The following PBX1 variants were observed in gnomAD, a reference collection of about 807,000 sequenced individuals.
PBX1 encodes the protein PBX homeobox 1.
In PBX1, 6 loss-of-function variants were observed where a neutral mutation model predicts 53.4. The ratio of observed to expected loss-of-function variants is 0.11; its 90% CI spans 0.06 to 0.22. PBX1 has a LOEUF of 0.22. PBX1 is among the 10% of genes least tolerant of loss of function. The pLI, the probability that PBX1 is intolerant of heterozygous loss-of-function variation, is 1.00. For missense variants in PBX1, 251 were observed against 551.4 expected (o/e 0.46, Z 5.46); for synonymous variants, 204 against 212.3 (o/e 0.96, Z 0.34).
At chr1:164,629,915 T>C (rs1403757875) in intron 2 of PBX1, among the ~76,000 whole-genome samples, 3 of 152,208 alleles carry the variant, frequency 2.0e-5, no homozygotes, top group Admixed American at 1.3e-4. Flanking sequence ...TGACTACATA[T>C]ATTTATATAT....
chr1:164,783,440 C>G (rs556170116), intron 2 of PBX1, among the ~76,000 whole-genome samples: 2 of 152,182 alleles, frequency 1.3e-5, no homozygotes, highest in African/African-American at 4.8e-5. Context: ...ATATTCTTGG[C>G]TTATCCTGGT....
chr1:164,679,014 A>G (rs1661596043), intron 2 of PBX1, among the ~76,000 whole-genome samples: 2 of 152,206 alleles, frequency 1.3e-5, no homozygotes, highest in African/African-American at 2.4e-5. Flanking sequence ...CACTAAATTC[A>G]TATTCTACAT....
At chr1:164,663,171 T>C (rs934566387) in intron 2 of PBX1, among the ~76,000 whole-genome samples, 1 of 151,992 alleles carries the variant, frequency 6.6e-6, no homozygotes, top group African/African-American at 2.4e-5. Flanking sequence ...CCTGCCTTCC[T>C]TCCTGCCTTC....
chr1:164,817,059 A>C (rs1030980408), intron 6 of PBX1: 1 of 151,038 alleles, frequency 6.6e-6, no homozygotes, highest in African/African-American at 2.4e-5. Flanking sequence ...ACATGCCCCA[A>C]ATGTCTGGGT....
intron 2 of PBX1, among the ~76,000 whole-genome samples, chr1:164,648,719 C>T (rs546583586): frequency 1.3e-5 from 2 of 152,226 alleles, no homozygotes; most frequent in Admixed American, 6.5e-5. Flanking sequence ...TTGCCCTTGG[C>T]GGGAGGGCGT....
rs1184401946 is a variant in PBX1 at position 164,848,004 on chromosome 1, T to G, written c.*1328T>G. 1.9e-6 allele frequency: 2 copies of G among 1,050,398 alleles called. No individual in the cohort carries two copies. Among genetic ancestry groups the G allele is most frequent in the Middle Eastern group, 4.3e-4 (1 of 2,346 alleles). 65.1% of individuals were successfully genotyped at this position (1,050,398 alleles called of 1,614,324 possible). On this transcript the variant is annotated 3_prime_UTR_variant, in exon 9 of 9. Transcript: ENST00000420696. Reference sequence around the variant, plus strand: ...TTTATATTAGGCACACTGTATTAATTTTCCAAAATGTTATACCACACTATG... The same window carrying G: ...TTTATATTAGGCACACTGTATTAATGTTCCAAAATGTTATACCACACTATG...
chr1:164,627,985 C>G (rs1658155651), intron 2 of PBX1, among the ~76,000 whole-genome samples: 1 of 152,184 alleles, frequency 6.6e-6, no homozygotes, highest in Non-Finnish European at 1.5e-5. Flanking sequence ...ATGGATCTTT[C>G]TGTACCTGTT....
chr1:164,781,146 A>G (rs766697011), intron 2 of PBX1, among the ~76,000 whole-genome samples: 1 of 152,156 alleles, frequency 6.6e-6, no homozygotes, highest in African/African-American at 2.4e-5. Context: ...CTGACCTTGT[A>G]TGCATTTGTG....
chr1:164,806,152 A>G (rs938229096), intron 4 of PBX1, among the ~76,000 whole-genome samples: 1 of 152,172 alleles, frequency 6.6e-6, no homozygotes, highest in African/African-American at 2.4e-5. Context: ...AGGCCACACA[A>G]CTTCAAGGAG....
intron 2 of PBX1, among the ~76,000 whole-genome samples, chr1:164,776,967 G>A (rs1223531552): frequency 1.1e-4 from 12 of 113,572 alleles, no homozygotes; most frequent in Non-Finnish European, 1.4e-4. Flanking sequence ...GAGAGAGAGA[G>A]AGAGAGAGAG....
intron 2 of PBX1, among the ~76,000 whole-genome samples, chr1:164,739,604 T>C (rs1463040554): frequency 6.6e-6 from 1 of 152,160 alleles, no homozygotes; most frequent in East Asian, 1.9e-4. Context: ...GATATGGCAA[T>C]TTGCTTAAAT....
At chr1:164,714,300 G>T (rs913028030) in intron 2 of PBX1, among the ~76,000 whole-genome samples, 1 of 152,188 alleles carries the variant, frequency 6.6e-6, no homozygotes, top group Admixed American at 6.5e-5. Context: ...GCCTCTCATT[G>T]TCTATTAAAC....
intron 2 of PBX1, among the ~76,000 whole-genome samples, chr1:164,647,498 T>C (rs892168990): frequency 2.0e-5 from 3 of 152,174 alleles, no homozygotes; most frequent in Non-Finnish European, 4.4e-5. Context: ...GGTGACCTAG[T>C]TGACCCCCTG....
chr1:164,792,282 A>G (rs1668552581), intron 2 of PBX1, among the ~76,000 whole-genome samples: 2 of 152,146 alleles, frequency 1.3e-5, no homozygotes, highest in South Asian at 2.1e-4. Context: ...GATTCCACAT[A>G]CAAGTGGAGT....
chr1:164,732,568 A>C (rs1367116791), intron 2 of PBX1, among the ~76,000 whole-genome samples: 3 of 152,072 alleles, frequency 2.0e-5, no homozygotes, highest in Non-Finnish European at 4.4e-5. Flanking sequence ...GGTTGGTGCA[A>C]AAGTAATTGA....
intron 2 of PBX1, among the ~76,000 whole-genome samples, chr1:164,693,505 A>T (rs1662620632): frequency 6.6e-6 from 1 of 152,136 alleles, no homozygotes; most frequent in Non-Finnish European, 1.5e-5. Flanking sequence ...ATAGGTGTTT[A>T]TACTGCTTCA....
chr1:164,877,405 G>A (rs1475841562), intron 2 of PBX1, among the ~76,000 whole-genome samples: 1 of 152,210 alleles, frequency 6.6e-6, no homozygotes, highest in Non-Finnish European at 1.5e-5. Context: ...GCTCACGCCT[G>A]TAATCCCAGC....
chr1:164,679,271 C>T (rs942789210), intron 2 of PBX1, among the ~76,000 whole-genome samples: 2 of 152,180 alleles, frequency 1.3e-5, no homozygotes, highest in South Asian at 2.1e-4. Flanking sequence ...CTACAAAACC[C>T]TTGCCAAATT....
chr1:164,852,927 A>G (rs1028856964), downstream of PBX1, among the ~76,000 whole-genome samples: 12 of 152,184 alleles, frequency 7.9e-5, no homozygotes, highest in African/African-American at 2.9e-4. Flanking sequence ...TCCTTTTTCA[A>G]TTGCATGGAA....
Sources: gnomAD v4.1 joint callset for allele counts (sites outside exome capture counted in the v4.1 genomes callset) on GRCh38, gnomAD v4.1.1 for gene constraint, MANE v1.5 for transcripts, NCBI Gene and HGNC (gene_info 2026-07-23, HGNC 2026-07-21) for gene names.